TNRC6B: variants seen among roughly 807,000 people sequenced by gnomAD.
The protein encoded by TNRC6B is trinucleotide repeat containing adaptor 6B.
A neutral mutation model predicts 203.6 loss-of-function variants in TNRC6B; 52 were observed. The ratio of observed to expected loss-of-function variants is 0.26; its 90% confidence interval spans 0.20 to 0.32. TNRC6B has a LOEUF of 0.32. Among genes scored for constraint, TNRC6B ranks in the 10% least tolerant of loss-of-function variants. The pLI, the probability that TNRC6B is intolerant of heterozygous loss-of-function variation, is 1.00. For missense variants in TNRC6B, 1,923 were observed against 2,286.2 expected (o/e 0.84, Z 3.24); for synonymous variants, 838 against 845.7 (o/e 0.99, Z 0.16).
rs1569026610 is a variant in TNRC6B, at chr22:40,221,760, C to CT, written c.6-24255_6-24254insT. Among the ~76,000 whole-genome samples, 7 of 122,010 alleles carry CT rather than the reference C, an allele frequency of 5.7e-5. 1 individual carries two copies. The highest frequency in any genetic ancestry group is 1.9e-4 in the African/African-American group (7 of 37,768). 80.0% of individuals were successfully genotyped at this position (122,010 alleles called of 152,430 possible). A position where few individuals can be genotyped will look rare whatever the true frequency, so the allele number is the denominator to read the frequency against. ...GGCCCACCTTCTTATTGCCCCCCCC[C>CT]CTTTTTTTTTTTTGACTCCTGTCTA... On this transcript the variant is annotated intron_variant, in intron 1 of 22. Coordinates refer to ENST00000454349, the MANE Select transcript of TNRC6B (RefSeq NM_001162501.2).
intron 3 of TNRC6B, among the ~76,000 whole-genome samples, chr22:40,128,577 A>ACGGCT (rs1277223108): frequency 3.7e-4 from 54 of 146,220 alleles, no homozygotes; most frequent in Non-Finnish European, 4.4e-4. Flanking sequence ...CTCACGGCTC[A>ACGGCT]CAGCTCACAG....
chr22:40,173,640 T>C (rs1303524895), upstream of TNRC6B, among the ~76,000 whole-genome samples: 2 of 150,048 alleles, frequency 1.3e-5, no homozygotes, highest in African/African-American at 4.9e-5. Flanking sequence ...TCTCAAACTC[T>C]TGGGCTCAAG....
chr22:40,045,057 A>C (rs2067673805), intron 1 of TNRC6B: 1 of 143,610 alleles, frequency 7.0e-6, no homozygotes. Context: ...GCCGGGACGG[A>C]GCGGGGCGGC....
At chr22:40,071,719 A>G (rs574338704) in intron 1 of TNRC6B, among the ~76,000 whole-genome samples, 1 of 152,300 alleles carries the variant, frequency 6.6e-6, no homozygotes, top group African/African-American at 2.4e-5. Flanking sequence ...CTGATTAGGC[A>G]TTATAACCCC....
chr22:40,270,134 G>T lies in TNRC6B; in HGVS notation c.2819G>T (p.Ser940Ile). 6.3e-7 allele frequency: 1 copy of T among 1,586,820 alleles called. No individual in the cohort carries two copies. Among genetic ancestry groups the T allele is most frequent in the Non-Finnish European group, 8.6e-7 (1 of 1,165,816 alleles). ...TSKSASVWSK[S>I]TPPAPDNGTS... ...CCTTTCTTTATAGTCTGGAGCAAAA[G>T]CACACCACCTGCTCCAGATAATGGT... Residue 940 changes from serine (S) to isoleucine (I), a missense_variant, in exon 6 of 23, where the codon AGC becomes ATC. By Grantham distance (142) the Ser-to-Ile change is moderately radical. This residue lies in a region of TNRC6B where 599 missense variants were observed against 656.5 expected (regional missense o/e 0.91). Transcript: ENST00000454349.
intron 1 of TNRC6B, among the ~76,000 whole-genome samples, chr22:40,199,636 G>C (rs928723809): frequency 3.9e-5 from 6 of 152,112 alleles, no homozygotes; most frequent in Non-Finnish European, 8.8e-5. Flanking sequence ...TGCAATATGT[G>C]ATTCTGACCT....
chr22:40,156,735 G>A (rs1456394689), intron 4 of TNRC6B, among the ~76,000 whole-genome samples: 1 of 147,832 alleles, frequency 6.8e-6, no homozygotes, highest in African/African-American at 2.5e-5. Flanking sequence ...ACTCCTTAAG[G>A]GGTAATTGGT....
chr22:40,265,672 G>A lies in TNRC6B; in HGVS notation c.1442G>A (p.Gly481Asp). The A allele has an allele frequency of 6.2e-7, 1 of 1,613,988 alleles. No individual in the cohort carries two copies. Among genetic ancestry groups the A allele is most frequent in the Non-Finnish European group, 8.5e-7 (1 of 1,179,876 alleles). The part of the protein sequence containing the change: ...DSWDNNNRST[G>D]GSWNFGPQDS... ...TGGGACAACAATAACAGGTCTACGG[G>A]TGGGTCCTGGAACTTTGGCCCCCAG... Residue 481 changes from glycine (G) to aspartate (D), a missense_variant, in exon 5 of 23, where the codon GGT becomes GAT. This residue lies in a region of TNRC6B where 614 missense variants were observed against 587.7 expected (regional missense o/e 1.04). Transcript: ENST00000454349.
At chr22:40,214,371 T>C (rs765358540) in intron 1 of TNRC6B, among the ~76,000 whole-genome samples, 3 of 152,134 alleles carry the variant, frequency 2.0e-5, no homozygotes, top group Non-Finnish European at 4.4e-5. Context: ...TAGAACTAAA[T>C]ACACACATAA....
At chr22:40,234,196 G>A (rs2069917782) in intron 1 of TNRC6B, among the ~76,000 whole-genome samples, 1 of 152,180 alleles carries the variant, frequency 6.6e-6, no homozygotes, top group African/African-American at 2.4e-5. Flanking sequence ...CAAGGCAGGA[G>A]GATCACTCAA....
At chr22:40,275,788 G>A (rs532187482) in intron 7 of TNRC6B, among the ~76,000 whole-genome samples, 2 of 151,956 alleles carry the variant, frequency 1.3e-5, no homozygotes, top group East Asian at 2.0e-4. Context: ...GCAAAACCCC[G>A]TCTCTACTAA....
chr22:40,312,672 T>A, intron 18 of TNRC6B, 21 bp downstream of exon 18: 1 of 1,603,508 alleles, frequency 6.2e-7, no homozygotes, highest in Non-Finnish European at 8.5e-7. Flanking sequence ...AAAGCATCTC[T>A]TATATGTTCA....
chr22:40,052,470 TTG>T lies in TNRC6B; in HGVS notation c.-121+7474_-121+7475del, dbSNP rs1427769223. 3.2e-3 allele frequency among the ~76,000 whole-genome samples: 451 copies of T among 142,670 alleles called. 28 individuals carry two copies. The highest frequency in any genetic ancestry group is 0.012 in the African/African-American group (435 of 35,476). 93.6% of individuals were successfully genotyped at this position (142,670 alleles called of 152,430 possible). On this transcript the variant is annotated intron_variant, in intron 1 of 23. Transcript: ENST00000301923. ...TTTTTTTTTTTTTTTTTTTTTTTTT[TTG>T]TTGAGGCAGGGTCTTACTCTGTCAC... is the stretch of plus-strand genomic sequence containing the variant.
rs1384851559 is a variant in TNRC6B, at chr22:40,090,744, C to A, written c.-120-26311C>A. Among the ~76,000 whole-genome samples, 3 of 152,090 alleles carry A rather than the reference C, an allele frequency of 2.0e-5. No homozygotes were observed. In the East Asian group the frequency reaches 5.8e-4, roughly 29 times the overall value. ...CTCCTAACCCATTCAATTGAAAAAT[C>A]CTATAAACAGTGACCAGTAGCAATG... On this transcript the variant is annotated intron_variant, in intron 1 of 23. Coordinates refer to the TNRC6B transcript ENST00000301923.
chr22:40,239,624 A>G (rs539218094), intron 1 of TNRC6B, among the ~76,000 whole-genome samples: 1 of 152,314 alleles, frequency 6.6e-6, no homozygotes, highest in East Asian at 1.9e-4. Context: ...GAACTGTACT[A>G]TGAATGGCTT....
chr22:40,303,889 G>A (rs963077998), intron 15 of TNRC6B, among the ~76,000 whole-genome samples: 3 of 152,184 alleles, frequency 2.0e-5, no homozygotes, highest in Admixed American at 1.3e-4. Flanking sequence ...CCAGCCTGGC[G>A]ACAGAGCAAG....
rs532695812 is a variant in TNRC6B, at chr22:40,333,039, G to C, written c.*9798G>C. On this transcript the variant is annotated 3_prime_UTR_variant, in exon 23 of 23. Coordinates refer to ENST00000454349, the MANE Select transcript of TNRC6B (RefSeq NM_001162501.2). ...CATTGCCTCCCACACAGTGACAGCAGACCAGTATGTAAACCCTGTCTTGGC... is the reference window on the plus strand; with the variant it reads ...CATTGCCTCCCACACAGTGACAGCACACCAGTATGTAAACCCTGTCTTGGC... The C allele has an allele frequency of 2.6e-5, 4 of 152,174 alleles. No individual in the cohort carries two copies. Among genetic ancestry groups the C allele is most frequent in the Non-Finnish European group, 5.9e-5 (4 of 68,038 alleles). 9.4% of individuals were successfully genotyped at this position (152,174 alleles called of 1,614,324 possible). A position where few individuals can be genotyped will look rare whatever the true frequency, so the allele number is the denominator to read the frequency against.
chr22:40,312,083 T>C (rs1378407029), intron 17 of TNRC6B, among the ~76,000 whole-genome samples: 1 of 152,268 alleles, frequency 6.6e-6, no homozygotes, highest in Non-Finnish European at 1.5e-5. Context: ...ATTACATTTT[T>C]TGCATTTTGG....
At chr22:40,117,723 AT>A (rs1312597943) in intron 2 of TNRC6B, among the ~76,000 whole-genome samples, 2 of 152,176 alleles carry the variant, frequency 1.3e-5, no homozygotes, top group Non-Finnish European at 2.9e-5. Flanking sequence ...AGGGAGAAGA[AT>A]GTGACTATCT....
Sources: gnomAD v4.1 joint callset for allele counts (sites outside exome capture counted in the v4.1 genomes callset) on GRCh38, gnomAD v4.1.1 for gene constraint, gnomAD v4.1.1 regional missense constraint, MANE v1.5 for transcripts, NCBI Gene and HGNC (gene_info 2026-07-23, HGNC 2026-07-21) for gene names.